AK5: variants seen among roughly 807,000 people sequenced by gnomAD.
AK5 encodes the protein adenylate kinase 5, also known as adenylate kinase isoenzyme 5.
In AK5, 27 loss-of-function variants were observed where a neutral mutation model predicts 69.5. That is an observed-to-expected ratio of 0.39 (90% CI 0.29 to 0.54). AK5 has a LOEUF of 0.54. Ranked by LOEUF, AK5 falls within the 20% of genes least tolerant of loss-of-function variation. The pLI, the probability that AK5 is intolerant of heterozygous loss-of-function variation, is 0.71. For synonymous variants in AK5, 260 were observed against 244.4 expected (o/e 1.06, Z -0.60); for missense variants, 531 against 700.4 (o/e 0.76, Z 2.73).
intron 8 of AK5, among the ~76,000 whole-genome samples, chr1:77,458,143 CA>C (rs1256409789): frequency 6.6e-6 from 1 of 150,812 alleles, no homozygotes; most frequent in African/African-American, 2.4e-5. Flanking sequence ...AAACAAATGT[CA>C]GGGGTGGTTC....
chr1:77,395,192 CA>C (rs1648750192), intron 6 of AK5, among the ~76,000 whole-genome samples: 2 of 152,058 alleles, frequency 1.3e-5, no homozygotes, highest in Non-Finnish European at 2.9e-5. Flanking sequence ...ATAAACTTTC[CA>C]AATATCCTAC....
At chr1:77,444,897 A>G (rs1243271594) in intron 8 of AK5, among the ~76,000 whole-genome samples, 3 of 151,608 alleles carry the variant, frequency 2.0e-5, no homozygotes, top group Non-Finnish European at 4.4e-5. Flanking sequence ...TCTTTATTTA[A>G]AGATTCCACA....
intron 5 of AK5, among the ~76,000 whole-genome samples, chr1:77,301,356 T>C (rs1476580147): frequency 6.6e-6 from 1 of 152,186 alleles, no homozygotes; most frequent in Non-Finnish European, 1.5e-5. Context: ...GGAAGTGACA[T>C]CCATCGCTTC....
In AK5 at chr1:77,368,253, A is replaced by AT. The variant is rs1553140304; in HGVS notation, c.891+27685_891+27686insT. 4.4e-3 allele frequency among the ~76,000 whole-genome samples: 171 copies of AT among 38,450 alleles called. 4 individuals carry two copies. Among genetic ancestry groups the AT allele is most frequent in the East Asian group, 0.012 (5 of 412 alleles). The allele number at this position is 38,450 out of a possible 152,430, so 25.2% of individuals were successfully genotyped here. ...TATATATATATATATATATATATATAATATATATGTTATATATATGTTATA... is the reference window on the plus strand; with the variant it reads ...TATATATATATATATATATATATATATATATATATGTTATATATATGTTATA... On this transcript the variant is annotated intron_variant, in intron 6 of 13. Transcript: ENST00000354567.
chr1:77,531,439 C>G (rs1274419581), intron 12 of AK5, among the ~76,000 whole-genome samples: 1 of 152,136 alleles, frequency 6.6e-6, no homozygotes, highest in Non-Finnish European at 1.5e-5. Flanking sequence ...AATCCCTGAG[C>G]TAGACACAAG....
intron 6 of AK5, among the ~76,000 whole-genome samples, chr1:77,384,212 TAAAG>T (rs991464369): frequency 5.3e-5 from 8 of 152,240 alleles, no homozygotes; most frequent in African/African-American, 1.7e-4. Context: ...TTATCAAAAA[TAAAG>T]AAACTCTACA....
intron 6 of AK5, among the ~76,000 whole-genome samples, chr1:77,348,873 C>A (rs1485792843): frequency 6.6e-6 from 1 of 152,014 alleles, no homozygotes; most frequent in Non-Finnish European, 1.5e-5. Context: ...AGAGTTAGGT[C>A]TTCATTTGAA....
chr1:77,374,003 TA>T (rs1647175667), intron 6 of AK5, among the ~76,000 whole-genome samples: 1 of 152,206 alleles, frequency 6.6e-6, no homozygotes, highest in South Asian at 2.1e-4. Flanking sequence ...TTTCAGCCCA[TA>T]AAATACATAT....
chr1:77,367,633 A>ATATATGTTATGTTATATATGTTATT, intron 6 of AK5, among the ~76,000 whole-genome samples: 1 of 99,410 alleles, frequency 1.0e-5, no homozygotes, highest in African/African-American at 4.0e-5. Context: ...TATATGTAAT[A>ATATATGTTATGTTATATATGTTATT]TATATGTTAT....
At chr1:77,475,389 T>C (rs1183877629) in intron 8 of AK5, among the ~76,000 whole-genome samples, 2 of 11,816 alleles carry the variant, frequency 1.7e-4, no homozygotes, top group African/African-American at 5.8e-4. Flanking sequence ...TATATATATG[T>C]ATATATATAA....
chr1:77,463,703 G>C (rs1400377279), intron 8 of AK5, among the ~76,000 whole-genome samples: 1 of 152,152 alleles, frequency 6.6e-6, no homozygotes, highest in Non-Finnish European at 1.5e-5. Flanking sequence ...CCTCCGTTGT[G>C]TGTCTGTTTC....
intron 6 of AK5, among the ~76,000 whole-genome samples, chr1:77,394,369 T>G (rs909245130): frequency 6.6e-6 from 1 of 152,138 alleles, no homozygotes; most frequent in Non-Finnish European, 1.5e-5. Flanking sequence ...AAATTCTCTC[T>G]CTCCTATGAC....
chr1:77,489,578 A>G (rs1428194078), intron 10 of AK5, among the ~76,000 whole-genome samples: 1 of 152,232 alleles, frequency 6.6e-6, no homozygotes, highest in Non-Finnish European at 1.5e-5. Context: ...TTTCAGTGAA[A>G]CAGAGTGGTT....
At chr1:77,477,598 A>C (rs1186326040) in intron 8 of AK5, among the ~76,000 whole-genome samples, 1 of 152,166 alleles carries the variant, frequency 6.6e-6, no homozygotes, top group Non-Finnish European at 1.5e-5. Context: ...ATTAGAAAAG[A>C]CTGCTCCTTA....
chr1:77,517,281 G>A (rs1251639848), intron 10 of AK5, among the ~76,000 whole-genome samples: 1 of 152,096 alleles, frequency 6.6e-6, no homozygotes, highest in African/African-American at 2.4e-5. Flanking sequence ...AAGCCCCTCC[G>A]ATTCTGACAT....
intron 11 of AK5, among the ~76,000 whole-genome samples, chr1:77,521,270 A>T (rs1430931292): frequency 2.0e-5 from 3 of 151,760 alleles, no homozygotes; most frequent in Non-Finnish European, 1.5e-5. Flanking sequence ...AGTAGCTGGG[A>T]TTACAGGTGC....
chr1:77,558,623 G>A lies in AK5; in HGVS notation c.1642G>A (p.Glu548Lys), dbSNP rs1189036656. 17 of 1,600,652 alleles carry A rather than the reference G, an allele frequency of 1.1e-5. No individual in the cohort carries two copies. Among genetic ancestry groups the A allele is most frequent in the Non-Finnish European group, 1.5e-5 (17 of 1,168,906 alleles). ...ATAGATAAATGCAGAGGGAACACCA[G>A]AGGACGTTTTTCTTCAACTCTGCAC... Reference protein sequence around the residue: ...LHKINAEGTPEDVFLQLCTAI... With the variant: ...LHKINAEGTPKDVFLQLCTAI... The change falls in exon 14 of 14, where the codon GAG becomes AAG. Residue 548 changes from glutamate (E) to lysine (K), a missense_variant. Glu to Lys is a moderately conservative substitution (Grantham distance 56, BLOSUM62 1). Transcript: ENST00000354567.
intron 12 of AK5, among the ~76,000 whole-genome samples, chr1:77,533,557 G>A (rs902257846): frequency 2.0e-5 from 3 of 149,080 alleles, no homozygotes; most frequent in South Asian, 2.1e-4. Flanking sequence ...TCAGCAGGTC[G>A]CGTGTTGTGC....
rs192413005 is a variant in AK5, at chr1:77,319,910, A to C, written c.700-20467A>C. Among the ~76,000 whole-genome samples, 381 of 152,338 alleles carry C rather than the reference A, an allele frequency of 2.5e-3. 8 individuals carry two copies. Among genetic ancestry groups the C allele is most frequent in the Non-Finnish European group, 4.6e-4 (31 of 68,034 alleles). On this transcript the variant is annotated intron_variant, in intron 5 of 13. Transcript: ENST00000354567. ...TATGAGAAAAATGTTAGAGATGCTGAATTTCTAAAATGAATAAACAGGGTA... is the reference window on the plus strand; with the variant it reads ...TATGAGAAAAATGTTAGAGATGCTGCATTTCTAAAATGAATAAACAGGGTA...
Sources: allele counts gnomAD v4.1 joint callset (sites outside exome capture counted in the v4.1 genomes callset), GRCh38; gene constraint gnomAD v4.1.1; transcripts MANE v1.5; gene names NCBI Gene and HGNC (gene_info 2026-07-23, HGNC 2026-07-21).